GPC6: variants seen among roughly 807,000 people sequenced by gnomAD.
GPC6 encodes the protein glypican 6.
Under a neutral mutation model 55.2 loss-of-function variants are expected in GPC6, and 14 were observed. The observed-to-expected ratio is 0.25, with a 90% confidence interval of 0.17 to 0.40. The LOEUF is 0.40. Among genes scored for constraint, GPC6 ranks in the 10% least tolerant of loss-of-function variants. The pLI is 1.00. For synonymous variants in GPC6, 278 were observed against 259.6 expected, an observed-to-expected ratio of 1.07 and a Z score of -0.68; for missense variants, 641 against 708.5, an observed-to-expected ratio of 0.90 and a Z score of 1.08.
chr13:94,405,876 TC>T lies in GPC6; in HGVS notation c.*2660del, dbSNP rs1278100366. 1 of 152,204 alleles carries T rather than the reference TC, an allele frequency of 6.6e-6. No homozygotes were observed. Among genetic ancestry groups the T allele is most frequent in the East Asian group, 1.9e-4 (1 of 5,196 alleles). 9.4% of individuals were successfully genotyped at this position (152,204 alleles called of 1,614,324 possible). On this transcript the variant is annotated 3_prime_UTR_variant, in exon 9 of 9. Transcript: ENST00000377047. ...ATCATACTACTATGTCATATGATTT[TC>T]AGACTAATTTAACATGAGAAATGTT...
At chr13:94,006,304 G>C (rs1044378656) in intron 3 of GPC6, among the ~76,000 whole-genome samples, 1 of 152,140 alleles carries the variant, frequency 6.6e-6, no homozygotes, top group Non-Finnish European at 1.5e-5. Context: ...GATTCAGTTT[G>C]TCGATATTGG....
intron 4 of GPC6, among the ~76,000 whole-genome samples, chr13:94,254,068 G>A (rs79224461): frequency 0.028 from 4,301 of 152,150 alleles, 198 homozygotes; most frequent in East Asian, 0.21. Context: ...ATGCATTAAT[G>A]TTTACAAAGA....
intron 3 of GPC6, among the ~76,000 whole-genome samples, chr13:93,858,335 G>C (rs1207587439): frequency 6.6e-6 from 1 of 151,542 alleles, no homozygotes; most frequent in Non-Finnish European, 1.5e-5. Flanking sequence ...ATGGATTATG[G>C]TTATATGTGG....
intron 3 of GPC6, among the ~76,000 whole-genome samples, chr13:93,955,269 AC>A (rs1351050248): frequency 6.6e-6 from 1 of 151,542 alleles, no homozygotes; most frequent in Admixed American, 6.6e-5. Context: ...ACACACACAC[AC>A]ACACACACAC....
intron 2 of GPC6, among the ~76,000 whole-genome samples, chr13:93,729,741 A>G (rs1883760467): frequency 1.3e-5 from 2 of 152,196 alleles, no homozygotes; most frequent in African/African-American, 2.4e-5. Context: ...AAATGCTTAC[A>G]TATGTGTGCA....
intron 4 of GPC6, among the ~76,000 whole-genome samples, chr13:94,077,843 T>A (rs1273493275): frequency 6.6e-6 from 1 of 151,948 alleles, no homozygotes; most frequent in Non-Finnish European, 1.5e-5. Context: ...CTACATGATC[T>A]TTTTAATGTG....
intron 4 of GPC6, among the ~76,000 whole-genome samples, chr13:94,261,912 C>G (rs1045542966): frequency 5.3e-5 from 8 of 152,178 alleles, no homozygotes; most frequent in African/African-American, 1.9e-4. Context: ...AGAAGCTTGC[C>G]TGTAAATAGG....
rs114925240 is a variant in GPC6 at position 93,227,843 on chromosome 13, C to T, written c.160+227C>T. On this transcript the variant is annotated intron_variant, in intron 1 of 8. Coordinates refer to ENST00000377047, the MANE Select transcript of GPC6 (RefSeq NM_005708.5). The surrounding 1 kb of genome is among the most constrained non-coding windows in gnomAD (Gnocchi z 4.3). ...TCATTGTGTGCACACGCGGGAGCAC[C>T]CTGGCTCCCGCCTCCCGCTGCTCTC... Among the ~76,000 whole-genome samples, 1,963 of 152,230 alleles carry T rather than the reference C, an allele frequency of 0.013. 54 individuals carry two copies. Among genetic ancestry groups the T allele is most frequent in the African/African-American group, 0.045 (1,868 of 41,580 alleles).
At chr13:93,541,023 CCT>C (rs1882273362) in intron 1 of GPC6, among the ~76,000 whole-genome samples, 1 of 150,168 alleles carries the variant, frequency 6.7e-6, no homozygotes, top group Admixed American at 6.6e-5. Context: ...GGGATATCAT[CCT>C]TTTTTTTTTA....
intron 1 of GPC6, among the ~76,000 whole-genome samples, chr13:93,440,165 TA>T (rs536448874): frequency 1.5e-3 from 222 of 152,298 alleles, no homozygotes; most frequent in Non-Finnish European, 2.5e-3. Context: ...GAGTATCATA[TA>T]AAAAATTTTC....
intron 6 of GPC6, among the ~76,000 whole-genome samples, chr13:94,368,653 G>GAA (rs144083425): frequency 6.7e-5 from 10 of 150,138 alleles, no homozygotes; most frequent in South Asian, 4.2e-4. Context: ...GGCCATGTCA[G>GAA]AAAAAAAAAA....
intron 4 of GPC6, among the ~76,000 whole-genome samples, chr13:94,061,277 T>A (rs182358115): frequency 1.3e-5 from 2 of 152,230 alleles, no homozygotes; most frequent in Non-Finnish European, 2.9e-5. Flanking sequence ...CCCATCTTAG[T>A]ACTACAAAAT....
At chr13:94,343,926 T>G (rs566683212) in intron 6 of GPC6, among the ~76,000 whole-genome samples, 1 of 152,260 alleles carries the variant, frequency 6.6e-6, no homozygotes, top group East Asian at 1.9e-4. Flanking sequence ...AGACCAGGTC[T>G]CACTATGTTG....
intron 2 of GPC6, among the ~76,000 whole-genome samples, chr13:93,622,021 C>T (rs1261298604): frequency 1.3e-5 from 2 of 152,216 alleles, no homozygotes; most frequent in Non-Finnish European, 2.9e-5. Context: ...AGCTGCCACC[C>T]AGACACCCTT....
intron 1 of GPC6, among the ~76,000 whole-genome samples, chr13:93,386,110 A>AG (rs1463732708): frequency 2.0e-5 from 3 of 151,510 alleles, no homozygotes; most frequent in Non-Finnish European, 4.4e-5. Context: ...AAAAAAAAAA[A>AG]AAAAAAAGCC....
chr13:93,496,301 C>A (rs1429406456), intron 1 of GPC6, among the ~76,000 whole-genome samples: 1 of 152,204 alleles, frequency 6.6e-6, no homozygotes, highest in Non-Finnish European at 1.5e-5. Context: ...GTGCGTCCCT[C>A]ACCCCTTTCT....
intron 4 of GPC6, among the ~76,000 whole-genome samples, chr13:94,040,304 G>A (rs1349939852): frequency 6.6e-6 from 1 of 151,718 alleles, no homozygotes; most frequent in Non-Finnish European, 1.5e-5. Flanking sequence ...TGTCACCAAC[G>A]AAAACACAAT....
At chr13:93,623,269 A>C (rs1326300203) in intron 2 of GPC6, among the ~76,000 whole-genome samples, 3 of 152,082 alleles carry the variant, frequency 2.0e-5, no homozygotes, top group Admixed American at 2.0e-4. Flanking sequence ...TACTGATTCC[A>C]TTTCCTTTGG....
At chr13:94,183,506 A>G (rs900677992) in intron 4 of GPC6, among the ~76,000 whole-genome samples, 1 of 152,244 alleles carries the variant, frequency 6.6e-6, no homozygotes, top group African/African-American at 2.4e-5. Context: ...GCTATTGAGA[A>G]TAATGGTACT....
Sources: gnomAD v4.1 joint callset for allele counts (sites outside exome capture counted in the v4.1 genomes callset) on GRCh38, gnomAD v4.1.1 for gene constraint, Gnocchi (gnomAD v3.1) non-coding constraint, MANE v1.5 for transcripts, NCBI Gene and HGNC (gene_info 2026-07-23, HGNC 2026-07-21) for gene names.